IPMK: variants seen among roughly 807,000 people sequenced by gnomAD.
IPMK encodes the protein inositol 1,3,4,6-tetrakisphosphate 5-kinase.
A neutral mutation model predicts 45.8 loss-of-function variants in IPMK; 17 were observed. That is an observed-to-expected ratio of 0.37 (90% CI 0.25 to 0.56). IPMK has a LOEUF of 0.56. Among genes scored for constraint, IPMK ranks in the 20% least tolerant of loss-of-function variants. The pLI is 0.79. For synonymous variants in IPMK, 180 were observed against 184.3 expected (o/e 0.98, Z 0.19); for missense variants, 399 against 498.0 (o/e 0.80, Z 1.89).
chr10:58,213,464 C>A (rs1008572931), intron 4 of IPMK, among the ~76,000 whole-genome samples: 9 of 152,180 alleles, frequency 5.9e-5, no homozygotes, highest in African/African-American at 2.2e-4. Context: ...GCGGGCGGAT[C>A]ACAAGGTCAG....
chr10:58,196,788 TC>T, intron 5 of IPMK, 90 bp from the exon 6 acceptor site: 1 of 869,390 alleles, frequency 1.2e-6, no homozygotes, highest in Non-Finnish European at 1.8e-6. Context: ...TCCAATATTT[TC>T]CCCATCATCC....
chr10:58,216,462 C>A, intron 3 of IPMK, 145 bp from the exon 4 acceptor site: 1 of 414,828 alleles, frequency 2.4e-6, no homozygotes, highest in Non-Finnish European at 4.2e-6. Flanking sequence ...TTAACTCTAC[C>A]TAAAAAAAAA....
chr10:58,229,648 A>G (rs868166072), intron 2 of IPMK, among the ~76,000 whole-genome samples: 1 of 152,100 alleles, frequency 6.6e-6, no homozygotes, highest in South Asian at 2.1e-4. Flanking sequence ...TTAAGAAATC[A>G]AATCACTGGT....
At position 58,194,810 on chromosome 10, in the gene IPMK, A is replaced by G. The variant is rs1837868368; in HGVS notation, c.*1266T>C. 6.6e-6 allele frequency: 1 copy of G among 151,958 alleles called. No homozygotes were observed. Among genetic ancestry groups the G allele is most frequent in the Non-Finnish European group, 1.5e-5 (1 of 67,828 alleles). The allele number at this position is 151,958 out of a possible 1,614,324, so 9.4% of individuals were successfully genotyped here. A position where few individuals can be genotyped will look rare whatever the true frequency, so the allele number is the denominator to read the frequency against. On this transcript the variant is annotated 3_prime_UTR_variant, in exon 6 of 6. Transcript: ENST00000373935. The stretch of plus-strand genomic sequence containing the variant: ...GCATTAACATCAAATGTATTTGAAG[A>G]CTCAAAGTTTTAAATGTTTTAAATG...
chr10:58,260,314 G>C (rs1022285901), intron 1 of IPMK, among the ~76,000 whole-genome samples: 1 of 152,148 alleles, frequency 6.6e-6, no homozygotes, highest in Non-Finnish European at 1.5e-5. Flanking sequence ...CTAAAGAATC[G>C]TAACAACGAA....
chr10:58,264,753 T>C (rs1419925073), intron 1 of IPMK, among the ~76,000 whole-genome samples: 1 of 152,190 alleles, frequency 6.6e-6, no homozygotes, highest in Non-Finnish European at 1.5e-5. Context: ...ATCCACATTG[T>C]AGAACACAAT....
intron 4 of IPMK, among the ~76,000 whole-genome samples, chr10:58,214,262 T>C (rs1838212063): frequency 6.6e-6 from 1 of 152,184 alleles, no homozygotes; most frequent in Non-Finnish European, 1.5e-5. Context: ...AATTCTTCAA[T>C]GTGACGGGAA....
chr10:58,204,323 CT>C (rs1838040735), intron 4 of IPMK, among the ~76,000 whole-genome samples: 1 of 151,948 alleles, frequency 6.6e-6, no homozygotes, highest in African/African-American at 2.4e-5. Flanking sequence ...GGAAAGAAAA[CT>C]GAGAAACAGG....
chr10:58,221,679 C>T lies in IPMK; in HGVS notation c.374-5362G>A, dbSNP rs1383408476. Among the ~76,000 whole-genome samples, 4 of 152,086 alleles carry T rather than the reference C, an allele frequency of 2.6e-5. No individual in the cohort carries two copies. The South Asian group carries it at 8.3e-4, about 32-fold the overall frequency. On this transcript the variant is annotated intron_variant, in intron 3 of 5. Coordinates refer to ENST00000373935, the MANE Select transcript of IPMK (RefSeq NM_152230.5). ...GCTAAAGTGATCCTCTCGCTGCAGC[C>T]TCCTGAGTAGCTGGGACTACAGGTG...
chr10:58,209,580 G>A (rs1838125935), intron 4 of IPMK, among the ~76,000 whole-genome samples: 3 of 152,212 alleles, frequency 2.0e-5, no homozygotes, highest in South Asian at 2.1e-4. Flanking sequence ...TGCTGGGAAT[G>A]TCTGCCTGTG....
At chr10:58,240,538 C>T (rs979237495) in intron 1 of IPMK, among the ~76,000 whole-genome samples, 2 of 151,732 alleles carry the variant, frequency 1.3e-5, no homozygotes, top group African/African-American at 2.4e-5. Flanking sequence ...AGAAGCATTG[C>T]TCCCACCTAA....
chr10:58,217,204 G>C (rs1838256893), intron 3 of IPMK, among the ~76,000 whole-genome samples: 1 of 122,640 alleles, frequency 8.2e-6, no homozygotes, highest in African/African-American at 3.0e-5. Flanking sequence ...CCCAAAAGTT[G>C]TTCTGTATAT....
At chr10:58,200,129 T>C (rs1426666694) in intron 4 of IPMK, among the ~76,000 whole-genome samples, 2 of 152,108 alleles carry the variant, frequency 1.3e-5, no homozygotes, top group Admixed American at 6.5e-5. Context: ...TTTTTTTTGG[T>C]TGGGGGAGGG....
At chr10:58,217,820 A>G (rs1192278471) in intron 3 of IPMK, among the ~76,000 whole-genome samples, 2 of 152,146 alleles carry the variant, frequency 1.3e-5, no homozygotes, top group Non-Finnish European at 2.9e-5. Flanking sequence ...AACATGACAA[A>G]TAAGGTTAGA....
At chr10:58,205,763 CA>C in intron 4 of IPMK, among the ~76,000 whole-genome samples, 1 of 152,244 alleles carries the variant, frequency 6.6e-6, no homozygotes, top group Admixed American at 6.5e-5. Flanking sequence ...GCTAAAATCT[CA>C]GAATTTACCA....
At chr10:58,236,240 C>T (rs970143810) in intron 2 of IPMK, among the ~76,000 whole-genome samples, 1 of 152,056 alleles carries the variant, frequency 6.6e-6, no homozygotes, top group African/African-American at 2.4e-5. Flanking sequence ...GAACAAAACT[C>T]TTATCTGATG....
At chr10:58,210,243 AC>A (rs768722495) in intron 4 of IPMK, among the ~76,000 whole-genome samples, 2 of 152,118 alleles carry the variant, frequency 1.3e-5, no homozygotes, top group Non-Finnish European at 2.9e-5. Context: ...CCCAGCTCCC[AC>A]GCAGTTGGCG....
chr10:58,237,866 G>T, intron 1 of IPMK, 52 bp from the exon 2 acceptor site: 1 of 1,317,910 alleles, frequency 7.6e-7, no homozygotes, highest in Non-Finnish European at 1.1e-6. Context: ...AGTAAACCTT[G>T]CTTCATTAAA....
At chr10:58,212,470 T>C (rs555393198) in intron 4 of IPMK, 3 of 178,084 alleles carry the variant, frequency 1.7e-5, no homozygotes, top group South Asian at 1.6e-4. Flanking sequence ...TGGTGTTGTA[T>C]GGATGACAAG....
Sources: gnomAD v4.1 joint callset for allele counts (sites outside exome capture counted in the v4.1 genomes callset) on GRCh38, gnomAD v4.1.1 for gene constraint, MANE v1.5 for transcripts, NCBI Gene and HGNC (gene_info 2026-07-23, HGNC 2026-07-21) for gene names.